Variants in EEFSEC observed in about 807,000 individuals in gnomAD.
The protein encoded by EEFSEC is eukaryotic elongation factor, selenocysteine-tRNA specific.
A neutral mutation model predicts 42.1 loss-of-function variants in EEFSEC; 43 were observed. The observed-to-expected ratio is 1.02, with a 90% CI of 0.80 to 1.32. The LOEUF is 1.32. Among genes scored for constraint, EEFSEC ranks in the 40% most tolerant of loss-of-function variants. EEFSEC has a pLI of 0.00. For synonymous variants in EEFSEC, 354 were observed against 339.1 expected, an observed-to-expected ratio of 1.04 and a Z score of -0.48; for missense variants, 745 against 803.6, an observed-to-expected ratio of 0.93 and a Z score of 0.88.
intron 1 of EEFSEC, among the ~76,000 whole-genome samples, chr3:128,213,128 G>A (rs2065776187): frequency 6.6e-6 from 1 of 152,238 alleles, no homozygotes; most frequent in African/African-American, 2.4e-5. Flanking sequence ...TAGGGTGAGT[G>A]GGAGGGAGAG....
chr3:128,385,267 G>T (rs1443870089), intron 6 of EEFSEC, among the ~76,000 whole-genome samples: 1 of 152,182 alleles, frequency 6.6e-6, no homozygotes, highest in Non-Finnish European at 1.5e-5. Context: ...GGCCACAGGG[G>T]CCAGGCAGGC....
chr3:128,247,348 C>T (rs1280290152), intron 2 of EEFSEC, among the ~76,000 whole-genome samples: 1 of 152,180 alleles, frequency 6.6e-6, no homozygotes, highest in Non-Finnish European at 1.5e-5. Flanking sequence ...TGTGCAAGGC[C>T]TGGACTGGCA....
intron 6 of EEFSEC, chr3:128,367,671 C>A: frequency 1.0e-6 from 1 of 985,430 alleles, no homozygotes; most frequent in South Asian, 4.7e-5. Context: ...CCCTTCCCAC[C>A]TTACAGGGAG....
At chr3:128,181,524 C>T (rs957309229) in intron 1 of EEFSEC, among the ~76,000 whole-genome samples, 5 of 152,134 alleles carry the variant, frequency 3.3e-5, no homozygotes, top group Non-Finnish European at 5.9e-5. Flanking sequence ...AAAAGAGAAG[C>T]GGTGATATAA....
chr3:128,405,176 C>T (rs1038045749), intron 6 of EEFSEC, among the ~76,000 whole-genome samples: 2 of 152,068 alleles, frequency 1.3e-5, no homozygotes, highest in African/African-American at 4.8e-5. Context: ...GCCACCACGC[C>T]CGGCTAATTT....
At chr3:128,232,369 A>G (rs765023442) in intron 1 of EEFSEC, among the ~76,000 whole-genome samples, 3 of 152,234 alleles carry the variant, frequency 2.0e-5, no homozygotes, top group Non-Finnish European at 4.4e-5. Flanking sequence ...TATCCTAAGT[A>G]CAGATGAAAT....
chr3:128,283,958 A>G (rs2066556340), intron 4 of EEFSEC, among the ~76,000 whole-genome samples: 1 of 152,198 alleles, frequency 6.6e-6, no homozygotes, highest in South Asian at 2.1e-4. Flanking sequence ...CTTCAACACT[A>G]CTAAGAAGGA....
chr3:128,290,301 A>G (rs1429783848), intron 4 of EEFSEC, among the ~76,000 whole-genome samples: 1 of 150,852 alleles, frequency 6.6e-6, no homozygotes, highest in African/African-American at 2.4e-5. Context: ...TTTTCCTCAT[A>G]TATGTATGCA....
At chr3:128,404,132 G>A (rs141790225) in intron 6 of EEFSEC, among the ~76,000 whole-genome samples, 171 of 152,238 alleles carry the variant, frequency 1.1e-3, no homozygotes, top group African/African-American at 3.7e-3. Context: ...ACTTCCCTAT[G>A]TTTGCCACAT....
chr3:128,340,544 C>T (rs1181506810), intron 4 of EEFSEC, among the ~76,000 whole-genome samples: 1 of 152,086 alleles, frequency 6.6e-6, no homozygotes, highest in Non-Finnish European at 1.5e-5. Flanking sequence ...TCCCCTAGAA[C>T]AGTGCCTGGC....
chr3:128,324,433 A>G (rs761174242), intron 4 of EEFSEC, among the ~76,000 whole-genome samples: 18 of 152,124 alleles, frequency 1.2e-4, no homozygotes, highest in Non-Finnish European at 2.1e-4. Flanking sequence ...CTGGCCCTCC[A>G]TGTGTTGGGG....
chr3:128,189,147 A>T (rs2065495292), intron 1 of EEFSEC, among the ~76,000 whole-genome samples: 1 of 152,206 alleles, frequency 6.6e-6, no homozygotes. Context: ...TTCCTTTCTC[A>T]GTCCGTGGGC....
chr3:128,355,267 G>A (rs1300199508), intron 5 of EEFSEC, among the ~76,000 whole-genome samples: 9 of 152,178 alleles, frequency 5.9e-5, no homozygotes, highest in Admixed American at 5.2e-4. Context: ...CAGGCTCTCA[G>A]AACAGAGGGA....
In EEFSEC at chr3:128,358,299, A is replaced by G. The variant is rs144943256; in HGVS notation, c.1526A>G (p.His509Arg). ...NIQLFVGLKV[H>R]LSTGELGIID... Reference sequence around the variant, plus strand: ...CAGCTCTTCGTGGGGCTCAAGGTGCACTTGTCCACTGGGGAACTGGGCATC... The same window carrying G: ...CAGCTCTTCGTGGGGCTCAAGGTGCGCTTGTCCACTGGGGAACTGGGCATC... Residue 509 changes from histidine to arginine, a missense_variant, in exon 6 of 7, where the codon CAC (histidine) becomes CGC (arginine). Coordinates refer to ENST00000254730, the MANE Select transcript of EEFSEC (RefSeq NM_021937.5). 18 of 1,614,128 alleles carry G rather than the reference A, an allele frequency of 1.1e-5. No individual in the cohort carries two copies. In the African/African-American group the frequency reaches 2.0e-4, roughly 18 times the overall value.
At chr3:128,229,994 CTTTT>C (rs1249771307) in intron 1 of EEFSEC, among the ~76,000 whole-genome samples, 2 of 151,872 alleles carry the variant, frequency 1.3e-5, no homozygotes, top group African/African-American at 4.8e-5. Flanking sequence ...CATTCTCTTT[CTTTT>C]ATTTTTTCTT....
chr3:128,189,575 T>C (rs1305377258), intron 1 of EEFSEC, among the ~76,000 whole-genome samples: 8 of 136,754 alleles, frequency 5.8e-5, no homozygotes, highest in Non-Finnish European at 9.5e-5. Context: ...TTTTTTTTTT[T>C]CCGAGCCAGG....
Position 128,379,793 on chromosome 3 carries a change from T to C in EEFSEC, c.1600+21420T>C, listed in dbSNP as rs182292521. On this transcript the variant is annotated intron_variant, in intron 6 of 6. Coordinates refer to ENST00000254730, the MANE Select transcript of EEFSEC (RefSeq NM_021937.5). The stretch of plus-strand genomic sequence containing the variant: ...GTCTTCGTGGGGTCACAGAGCTTTC[T>C]CCAGGAGCCCCTCCCTCACCCCAGA... Among the ~76,000 whole-genome samples, 533 of 152,308 alleles carry C rather than the reference T, an allele frequency of 3.5e-3. 3 individuals carry two copies. Among genetic ancestry groups the C allele is most frequent in the Non-Finnish European group, 6.0e-3 (408 of 68,022 alleles).
intron 1 of EEFSEC, among the ~76,000 whole-genome samples, chr3:128,196,094 C>CT (rs1224292656): frequency 6.6e-6 from 1 of 152,172 alleles, no homozygotes; most frequent in Admixed American, 6.5e-5. Flanking sequence ...GTCTGTGACT[C>CT]TCTGCTGTTT....
chr3:128,392,747 A>T (rs2067930283), intron 6 of EEFSEC, among the ~76,000 whole-genome samples: 1 of 152,156 alleles, frequency 6.6e-6, no homozygotes. Context: ...ACTTGTGCCC[A>T]CCTGAGAGAG....
Sources: allele counts gnomAD v4.1 joint callset (sites outside exome capture counted in the v4.1 genomes callset), GRCh38; gene constraint gnomAD v4.1.1; transcripts MANE v1.5; gene names NCBI Gene and HGNC (gene_info 2026-07-23, HGNC 2026-07-21).